Variants in CFAP90 observed in about 807,000 individuals in gnomAD.
The protein encoded by CFAP90 is cilia- and flagella-associated protein 90.
chr5:7,850,042 G>A, the CFAP90 span, among the ~76,000 whole-genome samples: 9 of 152,104 alleles, frequency 5.9e-5, no homozygotes, highest in East Asian at 1.7e-3. Context: ...ACACCTAGTG[G>A]CTCCCGCTCC....
chr5:7,851,129 C>G, the CFAP90 span: 1 of 1,200,112 alleles, frequency 8.3e-7, no homozygotes, highest in Non-Finnish European at 1.0e-6. Context: ...GTCTAGCCCG[C>G]GTCTGTGTTC....
At chr5:7,841,642 G>T in the CFAP90 span, among the ~76,000 whole-genome samples, 1 of 152,196 alleles carries the variant, frequency 6.6e-6, no homozygotes, top group South Asian at 2.1e-4. Context: ...ATACTATGCA[G>T]CCATAAAAAG....
the CFAP90 span, among the ~76,000 whole-genome samples, chr5:7,849,719 G>C: frequency 6.6e-6 from 1 of 152,134 alleles, no homozygotes; most frequent in Non-Finnish European, 1.5e-5. Flanking sequence ...GGAAATGCAC[G>C]GGCCGGTGTG....
chr5:7,836,770 G>A, the CFAP90 span, among the ~76,000 whole-genome samples: 5 of 152,116 alleles, frequency 3.3e-5, no homozygotes, highest in African/African-American at 1.2e-4. Flanking sequence ...AAGGTACCAG[G>A]GGTCATTGTT....
chr5:7,845,927 G>A, the CFAP90 span, among the ~76,000 whole-genome samples: 9 of 152,026 alleles, frequency 5.9e-5, no homozygotes, highest in Admixed American at 5.2e-4. Context: ...GCCACAGATT[G>A]ACACTCACAT....
the CFAP90 span, chr5:7,850,964 G>A: frequency 7.5e-7 from 1 of 1,324,688 alleles, no homozygotes; most frequent in Non-Finnish European, 9.6e-7. Context: ...GAGACGGGCG[G>A]CGGCCTGGGC....
chr5:7,831,634 A>G, the CFAP90 span: 1 of 482,270 alleles, frequency 2.1e-6, no homozygotes, highest in South Asian at 4.2e-5. Flanking sequence ...GACTCTTCAC[A>G]TGTACTAAAG....
the CFAP90 span, among the ~76,000 whole-genome samples, chr5:7,838,011 G>C: frequency 1.3e-5 from 2 of 152,166 alleles, no homozygotes; most frequent in Non-Finnish European, 2.9e-5. Context: ...ATGTGTTCAT[G>C]TCAAACCACC....
the CFAP90 span, among the ~76,000 whole-genome samples, chr5:7,841,818 G>A: frequency 2.0e-5 from 3 of 152,160 alleles, no homozygotes; most frequent in African/African-American, 7.2e-5. Context: ...ACACACTGGG[G>A]CCTGTCAGAG....
At chr5:7,843,038 T>C in the CFAP90 span, among the ~76,000 whole-genome samples, 1 of 152,184 alleles carries the variant, frequency 6.6e-6, no homozygotes, top group South Asian at 2.1e-4. Flanking sequence ...CTACCTCATT[T>C]CCTGTCCTCA....
At chr5:7,851,068 C>T in the CFAP90 span, 8 of 1,235,008 alleles carry the variant, frequency 6.5e-6, no homozygotes, top group African/African-American at 1.1e-4. Flanking sequence ...CCGTCCCGCC[C>T]GCCCAGGGGC....
At chr5:7,845,132 G>A in the CFAP90 span, among the ~76,000 whole-genome samples, 863 of 152,140 alleles carry the variant, frequency 5.7e-3, 6 homozygotes, top group Non-Finnish European at 5.4e-3. Flanking sequence ...GAGCAAAGAG[G>A]GAAGTGCCAC....
chr5:7,831,790 G>C, the CFAP90 span: 4 of 1,518,104 alleles, frequency 2.6e-6, no homozygotes, highest in Non-Finnish European at 3.6e-6. Flanking sequence ...CCACCTTCTC[G>C]CTGTGCAAAC....
the CFAP90 span, among the ~76,000 whole-genome samples, chr5:7,832,524 A>C: frequency 6.6e-6 from 1 of 152,070 alleles, no homozygotes; most frequent in Non-Finnish European, 1.5e-5. Flanking sequence ...TCTTTTGAGA[A>C]GGAGTCTTGC....
At chr5:7,851,038 G>T in the CFAP90 span, 1 of 1,239,690 alleles carries the variant, frequency 8.1e-7, no homozygotes, top group Non-Finnish European at 1.0e-6. Context: ...ACCGTCCAGC[G>T]CCCCCGCCTT....
the CFAP90 span, among the ~76,000 whole-genome samples, chr5:7,838,292 CA>C: frequency 6.6e-6 from 1 of 151,118 alleles, no homozygotes; most frequent in African/African-American, 2.4e-5. Flanking sequence ...TGACTACATA[CA>C]AATTAGACAT....
chr5:7,842,753 C>T, the CFAP90 span, among the ~76,000 whole-genome samples: 3 of 152,042 alleles, frequency 2.0e-5, no homozygotes, highest in African/African-American at 2.4e-5. Context: ...ATGTTAAGCC[C>T]GTTGGTGCAC....
the CFAP90 span, among the ~76,000 whole-genome samples, chr5:7,834,172 C>T: frequency 2.5e-4 from 38 of 152,218 alleles, no homozygotes; most frequent in East Asian, 6.6e-3. Flanking sequence ...TGTTGCGTGA[C>T]GTCGCCTTTG....
the CFAP90 span, among the ~76,000 whole-genome samples, chr5:7,839,860 AATAAATTCATC>A: frequency 3.3e-5 from 5 of 152,262 alleles, no homozygotes; most frequent in Non-Finnish European, 7.3e-5. Flanking sequence ...GACCAAAAAA[AATAAATTCATC>A]AGCAGGCAGG....
Sources: gnomAD v4.1 joint callset for allele counts (sites outside exome capture counted in the v4.1 genomes callset) on GRCh38, gnomAD v4.1.1 for gene constraint, MANE v1.5 for transcripts, NCBI Gene and HGNC (gene_info 2026-07-23, HGNC 2026-07-21) for gene names.